Variants in DNAH17 observed in about 807,000 individuals in gnomAD.
DNAH17 encodes axonemal beta dynein heavy chain 17.
Under a neutral mutation model 485.6 loss-of-function variants are expected in DNAH17, and 376 were observed. That is an observed-to-expected ratio of 0.77 (90% confidence interval 0.71 to 0.84). The LOEUF is 0.84. Ranked by LOEUF, DNAH17 falls within the 40% of genes least tolerant of loss-of-function variation. The pLI, the probability that DNAH17 is intolerant of heterozygous loss-of-function variation, is 0.00. For missense variants in DNAH17, 6,370 were observed against 5,839.3 expected (o/e 1.09, Z -2.96); for synonymous variants, 3,031 against 2,405.9 (o/e 1.26, Z -7.60).
chr17:78,510,530 G>A (rs1287505192), intron 26 of DNAH17, 24 bp from the exon 27 acceptor site: 4 of 1,612,800 alleles, frequency 2.5e-6, no homozygotes, highest in Non-Finnish European at 8.5e-7. Context: ...ATCCAGGCAG[G>A]ATTCATTTCA....
At chr17:78,563,194 C>CA (rs1417209810) in intron 11 of DNAH17, among the ~76,000 whole-genome samples, 3 of 152,160 alleles carry the variant, frequency 2.0e-5, no homozygotes, top group African/African-American at 4.8e-5. Context: ...CTTCCTTACC[C>CA]AAATTCTGAT....
At chr17:78,439,862 G>T (rs1300847192) in intron 72 of DNAH17, among the ~76,000 whole-genome samples, 1 of 151,882 alleles carries the variant, frequency 6.6e-6, no homozygotes, top group Non-Finnish European at 1.5e-5. Flanking sequence ...TAGAGATGGG[G>T]TTTCATCATG....
In DNAH17 at chr17:78,541,522, G is replaced by A. The variant is rs75573145; in HGVS notation, c.2533-1642C>T. Among the ~76,000 whole-genome samples the A allele has an allele frequency of 5.1e-4, 77 of 151,944 alleles. 1 individual carries two copies. The East Asian group carries it at 0.014, about 27-fold the overall frequency. On this transcript the variant is annotated intron_variant, in intron 17 of 80. Transcript: ENST00000389840. ...TATTCTAATAAGGGAGAGAAGACTTGGGCTCAAATAACTTCAGCATAAGAT... is the reference window on the plus strand; with the variant it reads ...TATTCTAATAAGGGAGAGAAGACTTAGGCTCAAATAACTTCAGCATAAGAT...
Position 78,501,787 on chromosome 17 carries a change from G to A in DNAH17, c.5277C>T (p.Ile1759=), listed in dbSNP as rs753015276. The change falls in exon 34 of 81, where the codon ATC becomes ATT. Residue 1759 remains isoleucine, a synonymous_variant. Coordinates refer to ENST00000389840, the MANE Select transcript of DNAH17 (RefSeq NM_173628.4). ...CCACCACGTCCCGTGCGTGCACATC[G>A]ATGGTGCAGATGGTCATGATCTTCA... ...DRMKIMTICT[I]DVHARDVVAK... is the part of the protein sequence containing the mutation. 1.7e-5 allele frequency: 27 copies of A among 1,613,818 alleles called. No homozygotes were observed. Among genetic ancestry groups the A allele is most frequent in the African/African-American group, 2.7e-5 (2 of 74,942 alleles).
intron 14 of DNAH17, among the ~76,000 whole-genome samples, chr17:78,555,682 T>C (rs915710577): frequency 6.6e-6 from 1 of 150,884 alleles, no homozygotes; most frequent in African/African-American, 2.5e-5. Context: ...AACAGGACTG[T>C]GCCACAGGGT....
Position 78,423,786 on chromosome 17 carries a change from A to ATTAT in DNAH17, c.*116_*119dup. 1.5e-6 allele frequency: 2 copies of ATTAT among 1,331,790 alleles called. No homozygotes were observed. Among genetic ancestry groups the ATTAT allele is most frequent in the East Asian group, 4.6e-5 (2 of 43,220 alleles). The allele number at this position is 1,331,790 out of a possible 1,614,324, so 82.5% of individuals were successfully genotyped here. A position where few individuals can be genotyped will look rare whatever the true frequency, so the allele number is the denominator to read the frequency against. On this transcript the variant is annotated 3_prime_UTR_variant, in exon 81 of 81. Coordinates refer to ENST00000389840, the MANE Select transcript of DNAH17 (RefSeq NM_173628.4). ...GATGTGCTTGGTTACAAAGCACCTG[A>ATTAT]TTATTTAAGAGAACGAAAAACCACC...
At chr17:78,468,560 G>A (rs1463870831) in intron 55 of DNAH17, 57 bp downstream of exon 55, 22 of 1,561,128 alleles carry the variant, frequency 1.4e-5, no homozygotes, top group Non-Finnish European at 1.9e-5. Flanking sequence ...CCCATACCCT[G>A]TAGGCCACGG....
chr17:78,475,354 C>A lies in DNAH17; in HGVS notation c.8435G>T (p.Arg2812Leu). Reference sequence around the variant, plus strand: ...AAGCCCGCTGATGTACGCTGCCAGGCGGGAGAGGCTCTGTTTGCCACTGCC... The same window carrying A: ...AAGCCCGCTGATGTACGCTGCCAGGAGGGAGAGGCTCTGTTTGCCACTGCC... ...VGGSGKQSLSRLAAYISGLDV... is the reference protein window; with the variant it reads ...VGGSGKQSLSLLAAYISGLDV... Residue 2812 changes from arginine to leucine, a missense_variant, in exon 54 of 81, where the codon CGC becomes CTC. Arg to Leu is a moderately radical substitution (Grantham distance 102). Coordinates refer to ENST00000389840, the MANE Select transcript of DNAH17 (RefSeq NM_173628.4). 6.2e-7 allele frequency: 1 copy of A among 1,613,986 alleles called. No individual in the cohort carries two copies. The highest frequency in any genetic ancestry group is 8.5e-7 in the Non-Finnish European group (1 of 1,179,900).
At position 78,514,965 on chromosome 17, in the gene DNAH17, G is replaced by T; in HGVS notation, c.3922C>A (p.Gln1308Lys). The part of the protein sequence containing the change: ...TTKWKDINVE[Q>K]MDIDCKKFAK... ...AACTTCTTACAATCTATGTCCATCTGCTCAACGTTGATATCTTTCCACTTG... is the reference window on the plus strand; with the variant it reads ...AACTTCTTACAATCTATGTCCATCTTCTCAACGTTGATATCTTTCCACTTG... The change falls in exon 26 of 81, where the codon CAG (glutamine) becomes AAG (lysine). Residue 1308 changes from glutamine to lysine, a missense_variant. Gln to Lys is a moderately conservative substitution (Grantham distance 53). Transcript: ENST00000389840. 1 of 1,614,038 alleles carries T rather than the reference G, an allele frequency of 6.2e-7. No homozygotes were observed. Among genetic ancestry groups the T allele is most frequent in the Non-Finnish European group, 8.5e-7 (1 of 1,179,904 alleles).
Position 78,441,038 on chromosome 17 carries a change from C to A in DNAH17, c.11677+13G>T, listed in dbSNP as rs2087053806. The stretch of plus-strand genomic sequence containing the variant: ...CTCCGTCTTTGAGAACATCACTTGC[C>A]TGCTACACTTACCCAGGGCTTCCAC... On this transcript the variant is annotated intron_variant, in intron 72 of 80. Transcript: ENST00000389840. 1 of 1,566,508 alleles carries A rather than the reference C, an allele frequency of 6.4e-7. No individual in the cohort carries two copies. The highest frequency in any genetic ancestry group is 1.4e-5 in the African/African-American group (1 of 73,762).
At chr17:78,480,066 A>AGGCCG (rs1245985962) in intron 49 of DNAH17, among the ~76,000 whole-genome samples, 1 of 109,582 alleles carries the variant, frequency 9.1e-6, no homozygotes, top group African/African-American at 3.3e-5. Flanking sequence ...AGTATGTCCC[A>AGGCCG]GGCCGGGCAC....
intron 31 of DNAH17, among the ~76,000 whole-genome samples, chr17:78,504,072 T>C (rs114081549): frequency 0.036 from 5,181 of 144,314 alleles, 312 homozygotes; most frequent in African/African-American, 0.12. Context: ...TGAGGGTAGA[T>C]TTTTTTTTTT....
Position 78,459,906 on chromosome 17 carries a change from C to G in DNAH17, c.9531G>C (p.Lys3177Asn). ...CCTTCCAGCTCTTGTCCTTGGGGAT[C>G]TTGCCCCCAGGTGCGGTCAGAATCA... ...AVMILTAPGG[K>N]IPKDKSWKAA... The change falls in exon 60 of 81, where the codon AAG (lysine) becomes AAC (asparagine). Residue 3177 changes from lysine (K) to asparagine (N), a missense_variant. Physicochemically the swap from Lys to Asn is moderately conservative, Grantham distance 94 (BLOSUM62 0). Coordinates refer to ENST00000389840, the MANE Select transcript of DNAH17 (RefSeq NM_173628.4). 3.1e-6 allele frequency: 5 copies of G among 1,614,050 alleles called. No individual in the cohort carries two copies. Among genetic ancestry groups the G allele is most frequent in the Non-Finnish European group, 4.2e-6 (5 of 1,179,898 alleles).
At position 78,494,759 on chromosome 17, in the gene DNAH17, T is replaced by C. The variant is rs371516798; in HGVS notation, c.6104A>G (p.Lys2035Arg). The C allele has an allele frequency of 3.5e-5, 56 of 1,613,574 alleles. No homozygotes were observed. The African/African-American group carries it at 6.9e-4, about 20-fold the overall frequency. Residue 2035 changes from lysine to arginine, a missense_variant, in exon 40 of 81, where the codon AAG (lysine) becomes AGG (arginine). By Grantham distance (26) the Lys-to-Arg change is conservative. Coordinates refer to ENST00000389840, the MANE Select transcript of DNAH17 (RefSeq NM_173628.4). ...KSVLVVAGSL[K>R]RGDPSRAEDQ... Reference sequence around the variant, plus strand: ...CTCTGCCCGGCTGGGGTCGCCCCTCTTCAGGGAGCCGGCCACCACCAGCAC... The same window carrying C: ...CTCTGCCCGGCTGGGGTCGCCCCTCCTCAGGGAGCCGGCCACCACCAGCAC...
At position 78,507,159 on chromosome 17, in the gene DNAH17, G is replaced by A. The variant is rs553169492; in HGVS notation, c.4676+119C>T. 1,599 of 1,158,452 alleles carry A rather than the reference G, an allele frequency of 1.4e-3. 1 individual carries two copies. The highest frequency in any genetic ancestry group is 1.8e-3 in the Non-Finnish European group (1,462 of 819,526). The allele number at this position is 1,158,452 out of a possible 1,614,324, so 71.8% of individuals were successfully genotyped here. A position where few individuals can be genotyped will look rare whatever the true frequency, so the allele number is the denominator to read the frequency against. ...AGGGAAAGGCAATTGATTAACCCAGGACCCATGGTTTTGCCCTGTCCTGGC... is the reference window on the plus strand; with the variant it reads ...AGGGAAAGGCAATTGATTAACCCAGAACCCATGGTTTTGCCCTGTCCTGGC... On this transcript the variant is annotated intron_variant, in intron 29 of 80. Coordinates refer to ENST00000389840, the MANE Select transcript of DNAH17 (RefSeq NM_173628.4).
In DNAH17 at chr17:78,478,425, TCAC is replaced by T. The variant is rs201153137; in HGVS notation, c.7992+597_7992+599del. Among the ~76,000 whole-genome samples, 630 of 148,756 alleles carry T rather than the reference TCAC, an allele frequency of 4.2e-3. 5 individuals carry two copies. Among genetic ancestry groups the T allele is most frequent in the African/African-American group, 0.015 (583 of 40,144 alleles). On this transcript the variant is annotated intron_variant, in intron 51 of 80. Transcript: ENST00000389840. The stretch of plus-strand genomic sequence containing the variant: ...ACCATCACTACCACTATCACCATCA[TCAC>T]CACCATCATTACCAACATTACCATC...
intron 49 of DNAH17, among the ~76,000 whole-genome samples, chr17:78,480,326 G>A (rs1033267043): frequency 2.0e-5 from 3 of 151,956 alleles, no homozygotes; most frequent in African/African-American, 7.3e-5. Context: ...TCCAGCCTGG[G>A]TGACAGAGTG....
At chr17:78,437,416 C>T (rs1005581127) in intron 74 of DNAH17, among the ~76,000 whole-genome samples, 1 of 152,252 alleles carries the variant, frequency 6.6e-6, no homozygotes, top group Non-Finnish European at 1.5e-5. Context: ...TCTGCATCTA[C>T]AGCTTTAAGT....
chr17:78,567,231 A>C, intron 9 of DNAH17, 65 bp from the exon 10 acceptor site: 5 of 1,526,354 alleles, frequency 3.3e-6, no homozygotes, highest in Non-Finnish European at 4.4e-6. Context: ...CAGTTACAAA[A>C]CTAGCTCTGA....
Sources: allele counts gnomAD v4.1 joint callset (sites outside exome capture counted in the v4.1 genomes callset), GRCh38; gene constraint gnomAD v4.1.1; transcripts MANE v1.5; gene names NCBI Gene and HGNC (gene_info 2026-07-23, HGNC 2026-07-21).